Variants in IL17RD observed in about 807,000 individuals in gnomAD.
The protein encoded by IL17RD is interleukin 17 receptor D, also known as interleukin-17 receptor D.
Under a neutral mutation model 80.5 loss-of-function variants are expected in IL17RD, and 52 were observed. The ratio of observed to expected loss-of-function variants is 0.65; its 90% CI spans 0.52 to 0.81. IL17RD has a LOEUF of 0.81. Among genes scored for constraint, IL17RD ranks in the 40% least tolerant of loss-of-function variants. The probability of loss-of-function intolerance (pLI) is 0.00; values close to 1 mark genes in which losing one functional copy is unlikely to be tolerated. For synonymous variants in IL17RD, 416 were observed against 391.8 expected, an observed-to-expected ratio of 1.06 and a Z score of -0.73; for missense variants, 1,024 against 955.1, an observed-to-expected ratio of 1.07 and a Z score of -0.95.
chr3:57,168,919 T>C (rs1409707315), upstream of IL17RD, among the ~76,000 whole-genome samples: 1 of 152,188 alleles, frequency 6.6e-6, no homozygotes, highest in African/African-American at 2.4e-5. Flanking sequence ...GGTTTCACCA[T>C]GTTGGCCAGG....
chr3:57,120,341 A>T, intron 1 of IL17RD, 28 bp from the exon 2 acceptor site: 2 of 1,580,566 alleles, frequency 1.3e-6, no homozygotes, highest in Non-Finnish European at 1.7e-6. Context: ...AACATGATGC[A>T]GAGTGAAGCC....
In IL17RD at chr3:57,094,322, T is replaced by C. The variant is rs1273339086; in HGVS notation, c.*2071A>G. ...CGGTATATTAAGAGTTTGATTTTAT[T>C]GATCAGAAACATTAGTATTTCAACA... On this transcript the variant is annotated 3_prime_UTR_variant, in exon 13 of 13. Transcript: ENST00000296318. 6.6e-6 allele frequency: 1 copy of C among 152,228 alleles called. No individual in the cohort carries two copies. Among genetic ancestry groups the C allele is most frequent in the African/African-American group, 2.4e-5 (1 of 41,458 alleles). The allele number at this position is 152,228 out of a possible 1,614,324, so 9.4% of individuals were successfully genotyped here.
At chr3:57,102,114 T>A (rs545536246) in intron 10 of IL17RD, among the ~76,000 whole-genome samples, 13 of 152,054 alleles carry the variant, frequency 8.5e-5, no homozygotes, top group South Asian at 4.1e-4. Context: ...AATTTTTTTT[T>A]AAAATTAGCC....
chr3:57,109,123 G>A (rs1220526559), intron 5 of IL17RD, among the ~76,000 whole-genome samples: 1 of 152,098 alleles, frequency 6.6e-6, no homozygotes. Flanking sequence ...TTTCATACCA[G>A]TATTTGGCAT....
chr3:57,155,926 T>C (rs2060264088), intron 1 of IL17RD, among the ~76,000 whole-genome samples: 1 of 152,220 alleles, frequency 6.6e-6, no homozygotes, highest in South Asian at 2.1e-4. Context: ...TTGACTGACA[T>C]GTCACCTCCT....
chr3:57,136,978 G>A (rs1707744600), intron 1 of IL17RD, among the ~76,000 whole-genome samples: 1 of 152,188 alleles, frequency 6.6e-6, no homozygotes, highest in African/African-American at 2.4e-5. Flanking sequence ...TTTCAGACAA[G>A]GGGTAATTGA....
chr3:57,115,752 A>T (rs1707202234), intron 2 of IL17RD, among the ~76,000 whole-genome samples: 1 of 152,192 alleles, frequency 6.6e-6, no homozygotes, highest in Non-Finnish European at 1.5e-5. Context: ...CTCAATGATC[A>T]GACTTGAACA....
At chr3:57,169,332 A>G (rs1158204009), upstream of IL17RD, 1 of 484,758 alleles carries the variant, frequency 2.1e-6, no homozygotes, top group African/African-American at 2.0e-5. Flanking sequence ...CATGCCTAGC[A>G]CTCTGTCTGG....
intron 1 of IL17RD, chr3:57,134,189 CAAG>C (rs887312926): frequency 8.7e-5 from 59 of 679,986 alleles, no homozygotes; most frequent in Admixed American, 2.2e-4. Flanking sequence ...TCTGCTGTGG[CAAG>C]AAGAAGGTCT....
At chr3:57,109,908 T>G (rs536999968) in intron 4 of IL17RD, among the ~76,000 whole-genome samples, 1 of 152,184 alleles carries the variant, frequency 6.6e-6, no homozygotes, top group Non-Finnish European at 1.5e-5. Context: ...AACCTCAGAG[T>G]TGGGGCGCAG....
intron 1 of IL17RD, among the ~76,000 whole-genome samples, chr3:57,133,385 T>C (rs934916745): frequency 3.9e-5 from 6 of 152,234 alleles, no homozygotes; most frequent in African/African-American, 1.4e-4. Context: ...AGATACCACA[T>C]GGAATTTCCA....
chr3:57,104,509 A>T, intron 7 of IL17RD, 102 bp from the exon 8 acceptor site: 1 of 724,578 alleles, frequency 1.4e-6, no homozygotes, highest in Non-Finnish European at 2.4e-6. Flanking sequence ...CACCAGTCTC[A>T]ACCACAGTTT....
In IL17RD at chr3:57,148,104, G is replaced by GC. The variant is rs1553627913; in HGVS notation, c.126+17056dup. ...GGCCAAGGTTGGGGGGGGGGGGGGG[G>GC]CGATCGCTAGGTCAAGAGTTCAAGA... On this transcript the variant is annotated intron_variant, in intron 1 of 12. Coordinates refer to ENST00000296318, the MANE Select transcript of IL17RD (RefSeq NM_017563.5). Among the ~76,000 whole-genome samples, 205 of 44,290 alleles carry GC rather than the reference G, an allele frequency of 4.6e-3. 13 individuals carry two copies. The highest frequency in any genetic ancestry group is 0.026 in the South Asian group (26 of 1,006). The allele number at this position is 44,290 out of a possible 152,430, so 29.1% of individuals were successfully genotyped here.
chr3:57,103,337 C>T (rs1003028151), intron 8 of IL17RD, among the ~76,000 whole-genome samples, 192 bp from the exon 9 acceptor site: 1 of 152,180 alleles, frequency 6.6e-6, no homozygotes, highest in Admixed American at 6.5e-5. Flanking sequence ...TCAGGTTCAT[C>T]TCTGCTTTAC....
intron 10 of IL17RD, among the ~76,000 whole-genome samples, chr3:57,101,615 C>T (rs1377792593): frequency 6.6e-6 from 1 of 152,212 alleles, no homozygotes; most frequent in African/African-American, 2.4e-5. Flanking sequence ...CTGCAGGGGT[C>T]ACCCTGGTTA....
At chr3:57,104,512 C>A in intron 7 of IL17RD, 105 bp from the exon 8 acceptor site, 1 of 707,258 alleles carries the variant, frequency 1.4e-6, no homozygotes, top group Non-Finnish European at 2.5e-6. Context: ...CAGTCTCAAC[C>A]ACAGTTTTCA....
chr3:57,104,298 GTTCA>G, intron 8 of IL17RD, 40 bp downstream of exon 8: 1 of 1,333,478 alleles, frequency 7.5e-7, no homozygotes, highest in Non-Finnish European at 1.1e-6. Flanking sequence ...TATGAACTGG[GTTCA>G]TTCTATAGCA....
intron 1 of IL17RD, among the ~76,000 whole-genome samples, chr3:57,142,124 G>A (rs1298184257): frequency 6.6e-6 from 1 of 152,166 alleles, no homozygotes; most frequent in Non-Finnish European, 1.5e-5. Flanking sequence ...ACCTCTCAAA[G>A]ACTTCAAGAG....
In IL17RD at chr3:57,165,215, A is replaced by G. The variant is rs916597314; in HGVS notation, c.72T>C (p.Ala24=). The G allele has an allele frequency of 1.6e-5, 25 of 1,531,284 alleles. No homozygotes were observed. The highest frequency in any genetic ancestry group is 2.2e-5 in the Non-Finnish European group (25 of 1,139,674). 94.9% of individuals were successfully genotyped at this position (1,531,284 alleles called of 1,614,324 possible). ...VNACLNGSQL[A]VAAGGSGRAR... ...CGCGGCCGGACCCGCCAGCGGCCAC[A>G]GCCAGCTGCGAGCCGTTGAGGCAGG... The change falls in exon 1 of 13, where the codon GCT becomes GCC. Residue 24 remains alanine, a synonymous_variant. Coordinates refer to ENST00000296318, the MANE Select transcript of IL17RD (RefSeq NM_017563.5).
Sources: allele counts gnomAD v4.1 joint callset (sites outside exome capture counted in the v4.1 genomes callset), GRCh38; gene constraint gnomAD v4.1.1; transcripts MANE v1.5; gene names NCBI Gene and HGNC (gene_info 2026-07-23, HGNC 2026-07-21).